SYNE1: variants seen among roughly 807,000 people sequenced by gnomAD.
SYNE1 encodes spectrin repeat containing nuclear envelope protein 1, also known as nesprin-1.
A neutral mutation model predicts 1,111.0 loss-of-function variants in SYNE1; 616 were observed. The ratio of observed to expected loss-of-function variants is 0.55; its 90% CI spans 0.52 to 0.59. The LOEUF is 0.59. Ranked by LOEUF, SYNE1 falls within the 20% of genes least tolerant of loss-of-function variation. The pLI, the probability that SYNE1 is intolerant of heterozygous loss-of-function variation, is 0.00. For synonymous variants in SYNE1, 3,855 were observed against 3,825.8 expected (o/e 1.01, Z -0.28); for missense variants, 10,006 against 10,417.0 (o/e 0.96, Z 1.72).
In SYNE1 at chr6:152,122,298, T is replaced by C. The variant is rs2051574407; in HGVS notation, c.*138A>G. On this transcript the variant is annotated 3_prime_UTR_variant, in exon 146 of 146. Transcript: ENST00000367255. ...CCTCTGAAGCCATAATTTGCACACA[T>C]GTGATCTGGAGGAGGGCTAAAGCTG... 5.2e-6 allele frequency: 7 copies of C among 1,358,270 alleles called. No individual in the cohort carries two copies. Among genetic ancestry groups the C allele is most frequent in the South Asian group, 1.2e-5 (1 of 82,832 alleles). The allele number at this position is 1,358,270 out of a possible 1,614,324, so 84.1% of individuals were successfully genotyped here.
At chr6:152,581,877 G>A (rs182244939) in intron 3 of SYNE1, among the ~76,000 whole-genome samples, 8 of 152,130 alleles carry the variant, frequency 5.3e-5, no homozygotes, top group Non-Finnish European at 7.4e-5. Flanking sequence ...TCTGCTATCC[G>A]ATTCACTCTT....
chr6:152,568,979 C>T (rs1328623616), intron 3 of SYNE1, among the ~76,000 whole-genome samples: 1 of 152,084 alleles, frequency 6.6e-6, no homozygotes, highest in African/African-American at 2.4e-5. Flanking sequence ...AATAAGTTGC[C>T]ATTTTTGAAA....
At chr6:152,533,338 T>C (rs182852887) in intron 4 of SYNE1, among the ~76,000 whole-genome samples, 1 of 152,144 alleles carries the variant, frequency 6.6e-6, no homozygotes, top group Non-Finnish European at 1.5e-5. Flanking sequence ...AAGGCAATAA[T>C]TGCCCTCCAG....
chr6:152,455,579 C>A lies in SYNE1; in HGVS notation c.2739G>T (p.Lys913Asn). 6.2e-7 allele frequency: 1 copy of A among 1,614,190 alleles called. No individual in the cohort carries two copies. The highest frequency in any genetic ancestry group is 2.2e-5 in the East Asian group (1 of 44,878). ...CATGCTTCTTCCAATCTCCAGTTTT[C>A]TTTACCATACTCTTGATGTGAAAAA... is the stretch of plus-strand genomic sequence containing the variant. Reference protein sequence around the residue: ...DIHVAFQSMVKKTGDWKKHVE... With the variant: ...DIHVAFQSMVNKTGDWKKHVE... Residue 913 changes from lysine (K) to asparagine (N), a missense_variant, in exon 24 of 146, where the codon AAG becomes AAT. Lys to Asn is a moderately conservative substitution (Grantham distance 94, BLOSUM62 0). This residue lies in a region of SYNE1 where 1,971 missense variants were observed against 2,084.1 expected (regional missense o/e 0.95). Transcript: ENST00000367255.
intron 115 of SYNE1, 142 bp from the exon 116 acceptor site, chr6:152,226,018 CAGA>C: frequency 2.7e-6 from 2 of 737,838 alleles, no homozygotes; most frequent in South Asian, 3.7e-5. Flanking sequence ...AGGCACGCTG[CAGA>C]AGTACTTCTT....
chr6:152,311,136 G>A lies in SYNE1; in HGVS notation c.16711-263C>T, dbSNP rs12206761. On this transcript the variant is annotated intron_variant, in intron 87 of 145. Coordinates refer to ENST00000367255, the MANE Select transcript of SYNE1 (RefSeq NM_182961.4). ...GTGTGGGACCATGAAGCTCCTGCTC[G>A]GTCAAGCCCAAGCTGCCCCCTCGTG... 69,505 of 502,644 alleles carry A rather than the reference G, an allele frequency of 0.14. 5,214 individuals carry two copies. The highest frequency in any genetic ancestry group is 0.19 in the South Asian group (8,909 of 47,652). 31.1% of individuals were successfully genotyped at this position (502,644 alleles called of 1,614,324 possible).
Position 152,483,071 on chromosome 6 carries a change from A to G in SYNE1, c.1350+14T>C. ...GGCTGTTATGCTGCAAGGTTTTCCA[A>G]CCAGAATTTTTACCTTATGTTGCTC... On this transcript the variant is annotated intron_variant, in intron 14 of 145. Transcript: ENST00000367255. 6.2e-7 allele frequency: 1 copy of G among 1,614,180 alleles called. No homozygotes were observed. The highest frequency in any genetic ancestry group is 1.6e-4 in the Middle Eastern group (1 of 6,062).
chr6:152,481,534 G>C, intron 14 of SYNE1: 1 of 452,992 alleles, frequency 2.2e-6, no homozygotes, highest in Non-Finnish European at 4.4e-6. Context: ...ACATGCACAT[G>C]TACCCCCTGA....
chr6:152,548,245 A>T (rs1262509212), intron 3 of SYNE1, among the ~76,000 whole-genome samples: 1 of 152,202 alleles, frequency 6.6e-6, no homozygotes, highest in Non-Finnish European at 1.5e-5. Context: ...CACCACTCCA[A>T]ATGAACAGGA....
chr6:152,217,095 C>CT (rs35171400), intron 121 of SYNE1, among the ~76,000 whole-genome samples: 3,546 of 116,648 alleles, frequency 0.03, 119 homozygotes, highest in African/African-American at 0.087. Context: ...TAAGTAAAAC[C>CT]TTTTTTTTTT....
chr6:152,497,767 A>T (rs187469795), intron 11 of SYNE1, among the ~76,000 whole-genome samples: 1 of 152,366 alleles, frequency 6.6e-6, no homozygotes. Flanking sequence ...TCTAAGAGAA[A>T]AATGAAGTAC....
chr6:152,472,194 G>T, intron 15 of SYNE1, 107 bp downstream of exon 15: 1 of 914,822 alleles, frequency 1.1e-6, no homozygotes, highest in East Asian at 2.6e-5. Flanking sequence ...TTTACCAAAG[G>T]TAGGCGCCTC....
At chr6:152,355,120 G>T in intron 66 of SYNE1, 144 bp from the exon 67 acceptor site, 1 of 852,016 alleles carries the variant, frequency 1.2e-6, no homozygotes, top group Non-Finnish European at 1.8e-6. Flanking sequence ...ACAAAAATAT[G>T]TCCCTAACCA....
chr6:152,518,071 T>C (rs1345163766), intron 6 of SYNE1, among the ~76,000 whole-genome samples: 1 of 151,654 alleles, frequency 6.6e-6, no homozygotes, highest in African/African-American at 2.4e-5. Context: ...CTGACGGGGA[T>C]GGGGAAGAAT....
rs554843604 is a variant in SYNE1 at position 152,481,250 on chromosome 6, T to C, written c.1350+1835A>G. 1.4e-4 allele frequency: 29 copies of C among 213,522 alleles called. No homozygotes were observed. In the South Asian group the frequency reaches 2.1e-3, roughly 15 times the overall value. 13.2% of individuals were successfully genotyped at this position (213,522 alleles called of 1,614,324 possible). A position where few individuals can be genotyped will look rare whatever the true frequency, so the allele number is the denominator to read the frequency against. On this transcript the variant is annotated intron_variant, in intron 14 of 145. Transcript: ENST00000367255. ...TGTAGATGCTTCTCAGACCTCTAGA[T>C]TGGAGGCACCACAAACGCCTGGACC...
intron 131 of SYNE1, among the ~76,000 whole-genome samples, chr6:152,162,887 A>G (rs2062815545): frequency 6.6e-6 from 1 of 152,194 alleles, no homozygotes; most frequent in African/African-American, 2.4e-5. Context: ...CATTAGAAAG[A>G]AAAAAATTTT....
chr6:152,153,706 T>C (rs942040981), intron 133 of SYNE1, among the ~76,000 whole-genome samples: 1 of 152,238 alleles, frequency 6.6e-6, no homozygotes, highest in African/African-American at 2.4e-5. Context: ...TGCTTTTTAC[T>C]AGTAGTTTTC....
At chr6:152,317,234 CTTTTTTTT>C in intron 86 of SYNE1, among the ~76,000 whole-genome samples, 1 of 135,908 alleles carries the variant, frequency 7.4e-6, no homozygotes, top group East Asian at 2.1e-4. Context: ...TTTCTTTTTT[CTTTTTTTT>C]TTTTTTCCAA....
chr6:152,216,467 TG>T (rs1342549380), intron 121 of SYNE1, among the ~76,000 whole-genome samples: 1 of 152,126 alleles, frequency 6.6e-6, no homozygotes. Flanking sequence ...TTGAACAAAA[TG>T]ACCAGGACTT....
Sources: gnomAD v4.1 joint callset for allele counts (sites outside exome capture counted in the v4.1 genomes callset) on GRCh38, gnomAD v4.1.1 for gene constraint, gnomAD v4.1.1 regional missense constraint, MANE v1.5 for transcripts, NCBI Gene and HGNC (gene_info 2026-07-23, HGNC 2026-07-21) for gene names.